INO80: variants seen among roughly 807,000 people sequenced by gnomAD.
INO80 encodes the protein chromatin-remodeling ATPase INO80.
Under a neutral mutation model 203.4 loss-of-function variants are expected in INO80, and 20 were observed. That is an observed-to-expected ratio of 0.10 (90% CI 0.07 to 0.14). INO80 has a LOEUF of 0.14. INO80 is among the 10% of genes least tolerant of loss of function. INO80 has a pLI of 1.00. For missense variants in INO80, 1,419 were observed against 1,914.4 expected (o/e 0.74, Z 4.83); for synonymous variants, 726 against 685.2 (o/e 1.06, Z -0.93).
intron 24 of INO80, among the ~76,000 whole-genome samples, chr15:41,040,916 C>A (rs1428313389): frequency 1.3e-5 from 2 of 152,110 alleles, no homozygotes; most frequent in African/African-American, 4.8e-5. Context: ...AACAAGAATT[C>A]TGAACAAACA....
chr15:41,102,374 A>G (rs895571858), intron 1 of INO80, among the ~76,000 whole-genome samples: 2 of 152,134 alleles, frequency 1.3e-5, no homozygotes, highest in South Asian at 4.1e-4. Context: ...GGATTTTAAA[A>G]AGGGCATATT....
At position 41,058,802 on chromosome 15, in the gene INO80, G is replaced by A. The variant is rs112427723; in HGVS notation, c.1843-21C>T. ...GTCTTCTGTAAATATAAAAGGGGAA[G>A]GGTGAAAAGAGAAACCTAATAATTC... On this transcript the variant is annotated intron_variant, in intron 15 of 35. Coordinates refer to ENST00000648947, the MANE Select transcript of INO80 (RefSeq NM_017553.3). 6.0e-4 allele frequency: 964 copies of A among 1,600,536 alleles called. 7 individuals carry two copies. In the African/African-American group the frequency reaches 0.011, roughly 19 times the overall value.
intron 27 of INO80, among the ~76,000 whole-genome samples, chr15:41,009,781 T>G (rs1418696790): frequency 1.3e-5 from 2 of 151,958 alleles, no homozygotes; most frequent in East Asian, 3.9e-4. Flanking sequence ...TAAATTTTTA[T>G]AGAGATGGGG....
rs182160082 is a variant in INO80 at position 41,032,513 on chromosome 15, C to A, written c.2908-4777G>T. Among the ~76,000 whole-genome samples the A allele has an allele frequency of 4.6e-4, 70 of 152,258 alleles. 2 individuals are homozygous for A. The highest frequency in any genetic ancestry group is 1.4e-3 in the African/African-American group (58 of 41,536). The stretch of plus-strand genomic sequence containing the variant: ...TAGATACAGGTACTGTAGCTGAAAA[C>A]TAACATTTAGTGGAAGAGTTTTTGA... On this transcript the variant is annotated intron_variant, in intron 24 of 35. Transcript: ENST00000648947.
chr15:41,104,597 G>A (rs1457363430), intron 1 of INO80, among the ~76,000 whole-genome samples: 1 of 151,964 alleles, frequency 6.6e-6, no homozygotes, highest in Non-Finnish European at 1.5e-5. Flanking sequence ...GAGTGCAGTG[G>A]TCCAATCTTG....
At chr15:41,045,096 C>T in intron 23 of INO80, 21 bp from the exon 24 acceptor site, 1 of 1,573,904 alleles carries the variant, frequency 6.4e-7, no homozygotes, top group Non-Finnish European at 8.6e-7. Context: ...CCACAGCAGA[C>T]ACGCTTATTC....
chr15:41,067,580 C>T (rs187907189), intron 14 of INO80, among the ~76,000 whole-genome samples: 1 of 152,266 alleles, frequency 6.6e-6, no homozygotes, highest in East Asian at 1.9e-4. Context: ...TCCTAACACT[C>T]CTTATACAGT....
chr15:40,982,730 G>C lies in INO80; in HGVS notation c.4453+132C>G, dbSNP rs926826374. On this transcript the variant is annotated intron_variant, in intron 35 of 35. Transcript: ENST00000648947. ...AGTCAACAGTGCTTATTACAAAGAA[G>C]AAGAACCCCAATTGGGGCTCTAGGA... 1.1e-5 allele frequency: 8 copies of C among 705,972 alleles called. No individual in the cohort carries two copies. The African/African-American group carries it at 1.4e-4, about 13-fold the overall frequency. 43.7% of individuals were successfully genotyped at this position (705,972 alleles called of 1,614,324 possible).
At chr15:41,078,251 G>A (rs374125559) in intron 9 of INO80, among the ~76,000 whole-genome samples, 10 of 152,072 alleles carry the variant, frequency 6.6e-5, no homozygotes, top group Admixed American at 2.0e-4. Flanking sequence ...TTAAATGAAC[G>A]AAGTAGATTA....
intron 5 of INO80, among the ~76,000 whole-genome samples, chr15:41,090,300 G>T (rs1270514252): frequency 2.6e-5 from 4 of 152,224 alleles, no homozygotes; most frequent in Admixed American, 2.6e-4. Flanking sequence ...ATTGGGCTGG[G>T]GATGGTGGCT....
chr15:41,041,430 T>G (rs2044665093), intron 24 of INO80, among the ~76,000 whole-genome samples: 2 of 149,446 alleles, frequency 1.3e-5, no homozygotes, highest in African/African-American at 2.5e-5. Flanking sequence ...AGCTTCTAGT[T>G]CTTTTTTTTT....
chr15:41,039,465 C>T (rs756275309), intron 24 of INO80, among the ~76,000 whole-genome samples: 1 of 152,196 alleles, frequency 6.6e-6, no homozygotes, highest in African/African-American at 2.4e-5. Flanking sequence ...ATGAGTGACT[C>T]TTCCAAATAC....
At chr15:41,037,759 A>G (rs997024555) in intron 24 of INO80, among the ~76,000 whole-genome samples, 8 of 151,938 alleles carry the variant, frequency 5.3e-5, no homozygotes, top group East Asian at 2.0e-4. Flanking sequence ...CCTGGCCCAC[A>G]TGGCGAAACC....
chr15:41,060,973 A>G (rs1379430764), intron 14 of INO80, among the ~76,000 whole-genome samples: 1 of 152,220 alleles, frequency 6.6e-6, no homozygotes, highest in African/African-American at 2.4e-5. Flanking sequence ...TGAAAGAAAG[A>G]TAACGTACAC....
chr15:41,103,466 T>C (rs901110105), intron 1 of INO80, among the ~76,000 whole-genome samples: 3 of 152,216 alleles, frequency 2.0e-5, no homozygotes, highest in African/African-American at 7.2e-5. Flanking sequence ...CTCAGCTCAC[T>C]GCAACCTCCG....
At position 40,996,612 on chromosome 15, in the gene INO80, C is replaced by T. The variant is rs558976420; in HGVS notation, c.3570+917G>A. On this transcript the variant is annotated intron_variant, in intron 29 of 35. Coordinates refer to ENST00000648947, the MANE Select transcript of INO80 (RefSeq NM_017553.3). Reference sequence around the variant, plus strand: ...GTGCTGGGATTACAGGCATGAGCCACCACGCCCAGCCAGGAATCCTCTTTT... The same window carrying T: ...GTGCTGGGATTACAGGCATGAGCCATCACGCCCAGCCAGGAATCCTCTTTT... Among the ~76,000 whole-genome samples, 3 of 152,320 alleles carry T rather than the reference C, an allele frequency of 2.0e-5. No individual in the cohort carries two copies. In the East Asian group the frequency reaches 5.8e-4, roughly 29 times the overall value.
At position 40,980,050 on chromosome 15, in the gene INO80, GAC is replaced by G. The variant is rs1893759147; in HGVS notation, c.*171_*172del. On this transcript the variant is annotated 3_prime_UTR_variant, in exon 36 of 36. Transcript: ENST00000648947. ...CAGGCACCCCAGATGCTCCTGATGA[GAC>G]ACAGATGATAAAAGTGCTCACACCA... 4.8e-6 allele frequency: 3 copies of G among 625,384 alleles called. No individual in the cohort carries two copies. 38.7% of individuals were successfully genotyped at this position (625,384 alleles called of 1,614,324 possible). A position where few individuals can be genotyped will look rare whatever the true frequency, so the allele number is the denominator to read the frequency against.
chr15:41,094,893 CAG>C (rs1482344086), intron 4 of INO80, among the ~76,000 whole-genome samples: 1 of 152,170 alleles, frequency 6.6e-6, no homozygotes, highest in Non-Finnish European at 1.5e-5. Context: ...GTATACAAAA[CAG>C]AGTTTATTCA....
At chr15:40,993,773 T>TAAATAA (rs1555397674) in intron 29 of INO80, among the ~76,000 whole-genome samples, 59 of 5,834 alleles carry the variant, frequency 0.01, no homozygotes, top group Non-Finnish European at 0.018. Flanking sequence ...AATAAATAAA[T>TAAATAA]AAATAAAAAG....
Sources: allele counts gnomAD v4.1 joint callset (sites outside exome capture counted in the v4.1 genomes callset), GRCh38; gene constraint gnomAD v4.1.1; transcripts MANE v1.5; gene names NCBI Gene and HGNC (gene_info 2026-07-23, HGNC 2026-07-21).